The following D2HGDH variants were observed in gnomAD, a reference collection of about 807,000 sequenced individuals.
The protein encoded by D2HGDH is D-2-hydroxyglutarate dehydrogenase, mitochondrial.
In D2HGDH, 31 loss-of-function variants were observed where a neutral mutation model predicts 46.9. The observed-to-expected ratio is 0.66, with a 90% CI of 0.50 to 0.89. The LOEUF is 0.89. D2HGDH is among the 40% of genes least tolerant of loss of function. The pLI is 0.00. For synonymous variants in D2HGDH, 364 were observed against 332.6 expected (o/e 1.09, Z -1.03); for missense variants, 698 against 720.8 (o/e 0.97, Z 0.36).
intron 9 of D2HGDH, among the ~76,000 whole-genome samples, chr2:241,760,478 G>A (rs1310481373): frequency 2.0e-4 from 30 of 149,464 alleles, no homozygotes; most frequent in South Asian, 2.1e-4. Flanking sequence ...TTGCCACAGC[G>A]TGGGTGGGCC....
Position 241,767,816 on chromosome 2 carries a change from C to G in D2HGDH, c.1413C>G (p.Ser471Arg). 6.2e-7 allele frequency: 1 copy of G among 1,612,330 alleles called. No individual in the cohort carries two copies. Among genetic ancestry groups the G allele is most frequent in the South Asian group, 1.1e-5 (1 of 91,034 alleles). The change falls in exon 10 of 10, where the codon AGC becomes AGG. Residue 471 changes from serine to arginine, a missense_variant. Coordinates refer to ENST00000321264, the MANE Select transcript of D2HGDH (RefSeq NM_152783.5). ...VYEWTAGQQG[S>R]VSAEHGVGFR... ...AGTGGACGGCCGGGCAGCAGGGCAGCGTCAGCGCGGAGCACGGAGTGGGCT... is the reference window on the plus strand; with the variant it reads ...AGTGGACGGCCGGGCAGCAGGGCAGGGTCAGCGCGGAGCACGGAGTGGGCT...
intron 6 of D2HGDH, chr2:241,749,268 C>T (rs1400660459): frequency 2.4e-6 from 3 of 1,266,294 alleles, no homozygotes; most frequent in East Asian, 1.1e-4. Context: ...GGGTCACAGG[C>T]CTTGAGGTGC....
intron 9 of D2HGDH, among the ~76,000 whole-genome samples, chr2:241,759,779 C>T (rs1698570866): frequency 6.6e-6 from 1 of 152,208 alleles, no homozygotes; most frequent in East Asian, 1.9e-4. Flanking sequence ...TTGGTGGTCG[C>T]CCTGGCACCA....
chr2:241,735,521 G>T lies in D2HGDH; in HGVS notation c.292+5G>T, dbSNP rs747664413. Reference sequence around the variant, plus strand: ...ACTGGTTGCGGACGCTGCGAGGTGGGTGAGGCTTGGGAAGCTGCGGCGTTT... The same window carrying T: ...ACTGGTTGCGGACGCTGCGAGGTGGTTGAGGCTTGGGAAGCTGCGGCGTTT... On this transcript the variant is annotated splice_donor_5th_base_variant and intron_variant, in intron 2 of 9. Coordinates refer to ENST00000321264, the MANE Select transcript of D2HGDH (RefSeq NM_152783.5). The T allele has an allele frequency of 5.0e-6, 8 of 1,604,456 alleles. No individual in the cohort carries two copies. The highest frequency in any genetic ancestry group is 6.8e-6 in the Non-Finnish European group (8 of 1,179,714).
intron 8 of D2HGDH, chr2:241,755,167 CCTT>C: frequency 7.7e-7 from 1 of 1,303,732 alleles, no homozygotes; most frequent in Non-Finnish European, 1.0e-6. Context: ...TCCTCAGAAT[CCTT>C]CCTCCCCCGT....
Position 241,750,312 on chromosome 2 carries a change from AG to A in D2HGDH, c.997+23del. 7.3e-7 allele frequency: 1 copy of A among 1,364,472 alleles called. No individual in the cohort carries two copies. 84.5% of individuals were successfully genotyped at this position (1,364,472 alleles called of 1,614,324 possible). ...GGTGCAAGGTACTGACCCCCCACAC[AG>A]GGGGCAGCTGGTCCTGCAGCTCCTT... On this transcript the variant is annotated intron_variant, in intron 7 of 9. Transcript: ENST00000321264.
intron 2 of D2HGDH, among the ~76,000 whole-genome samples, chr2:241,738,241 G>A (rs1693480731): frequency 6.6e-6 from 1 of 152,150 alleles, no homozygotes; most frequent in East Asian, 1.9e-4. Context: ...AGGGCCTGTG[G>A]GCTCACGAAT....
intron 6 of D2HGDH, chr2:241,749,122 C>G: frequency 1.1e-6 from 1 of 918,694 alleles, no homozygotes; most frequent in Non-Finnish European, 1.4e-6. Flanking sequence ...ACGAGGCACT[C>G]TTGTCCCACT....
intron 6 of D2HGDH, among the ~76,000 whole-genome samples, chr2:241,747,411 T>G (rs1696150078): frequency 1.5e-5 from 2 of 133,872 alleles, no homozygotes; most frequent in South Asian, 4.7e-4. Context: ...TGCTTTTGCT[T>G]TTGCTAGGTG....
At chr2:241,758,712 G>C (rs1046353047) in intron 9 of D2HGDH, among the ~76,000 whole-genome samples, 1 of 151,836 alleles carries the variant, frequency 6.6e-6, no homozygotes, top group Non-Finnish European at 1.5e-5. Flanking sequence ...AGTAGTTCTA[G>C]ACCAGCCTGG....
chr2:241,741,258 C>T (rs1694377362), intron 3 of D2HGDH, among the ~76,000 whole-genome samples, 168 bp downstream of exon 3: 1 of 152,214 alleles, frequency 6.6e-6, no homozygotes, highest in Non-Finnish European at 1.5e-5. Context: ...CTCAATGCAT[C>T]TGTGGTGTGT....
intron 6 of D2HGDH, chr2:241,749,502 C>T (rs1696730303): frequency 8.2e-6 from 6 of 729,564 alleles, no homozygotes; most frequent in Middle Eastern, 6.0e-4. Context: ...TCGGCTTCCC[C>T]AGGGCAGCGG....
At chr2:241,744,997 C>T in intron 6 of D2HGDH, 120 bp downstream of exon 6, 1 of 1,341,702 alleles carries the variant, frequency 7.5e-7, no homozygotes, top group Non-Finnish European at 1.0e-6. Flanking sequence ...CAGTCGGTTC[C>T]CGTGTCTCCT....
chr2:241,764,579 T>G (rs1699113872), intron 9 of D2HGDH, among the ~76,000 whole-genome samples: 1 of 152,142 alleles, frequency 6.6e-6, no homozygotes, highest in South Asian at 2.1e-4. Flanking sequence ...CCTTTGTCGG[T>G]TCTGGTGGAG....
At chr2:241,748,056 C>G (rs1424166327) in intron 6 of D2HGDH, among the ~76,000 whole-genome samples, 1 of 152,194 alleles carries the variant, frequency 6.6e-6, no homozygotes, top group Non-Finnish European at 1.5e-5. Flanking sequence ...CGGCCAACAG[C>G]GTTGACTTGG....
At chr2:241,754,798 TC>T in intron 8 of D2HGDH, 5 of 284,856 alleles carry the variant, frequency 1.8e-5, no homozygotes, top group South Asian at 1.6e-4. Flanking sequence ...AGACGGGGTC[TC>T]CCTGTGTGGC....
chr2:241,740,882 T>G (rs1575203187), intron 2 of D2HGDH, 151 bp from the exon 3 acceptor site: 1 of 681,800 alleles, frequency 1.5e-6, no homozygotes, highest in African/African-American at 1.8e-5. Context: ...GAGGGAGAGG[T>G]TGCAGTGAGC....
chr2:241,742,115 G>A lies in D2HGDH; in HGVS notation c.351-320G>A, dbSNP rs1694630354. Among the ~76,000 whole-genome samples, 1 of 152,168 alleles carries A rather than the reference G, an allele frequency of 6.6e-6. No homozygotes were observed. The highest frequency in any genetic ancestry group is 1.5e-5 in the Non-Finnish European group (1 of 68,024). ...GGGCAGTGCGGTCGAGGAACCCTGA[G>A]CTGGACCCTCTGTGAGCATGGTGTG... On this transcript the variant is annotated intron_variant, in intron 3 of 9. Coordinates refer to ENST00000321264, the MANE Select transcript of D2HGDH (RefSeq NM_152783.5). The surrounding 1 kb of genome is among the most constrained non-coding windows in gnomAD (Gnocchi z 4.8).
chr2:241,742,980 C>T lies in D2HGDH; in HGVS notation c.490+406C>T, dbSNP rs535374395. 1.5e-3 allele frequency among the ~76,000 whole-genome samples: 134 copies of T among 87,258 alleles called. 3 individuals carry two copies. The highest frequency in any genetic ancestry group is 3.1e-3 in the Admixed American group (27 of 8,582). The allele number at this position is 87,258 out of a possible 152,430, so 57.2% of individuals were successfully genotyped here. A position where few individuals can be genotyped will look rare whatever the true frequency, so the allele number is the denominator to read the frequency against. ...GGCGTGAGGGGATCCTGACCCAGGG[C>T]GCCAGAGCGTGGCAGGCATGAGGGG... On this transcript the variant is annotated intron_variant, in intron 4 of 9. Transcript: ENST00000321264. The surrounding 1 kb of genome is among the most constrained non-coding windows in gnomAD (Gnocchi z 4.8).
Sources: gnomAD v4.1 joint callset for allele counts (sites outside exome capture counted in the v4.1 genomes callset) on GRCh38, gnomAD v4.1.1 for gene constraint, Gnocchi (gnomAD v3.1) non-coding constraint, MANE v1.5 for transcripts, NCBI Gene and HGNC (gene_info 2026-07-23, HGNC 2026-07-21) for gene names.